Variants in NCOR2 observed in about 807,000 individuals in gnomAD.
NCOR2 encodes the protein CTG repeat protein 26.
Under a neutral mutation model 262.9 loss-of-function variants are expected in NCOR2, and 81 were observed. The ratio of observed to expected loss-of-function variants is 0.31; its 90% CI spans 0.26 to 0.37. The LOEUF is 0.37. Among genes scored for constraint, NCOR2 ranks in the 10% least tolerant of loss-of-function variants. The pLI, the probability that NCOR2 is intolerant of heterozygous loss-of-function variation, is 1.00. For synonymous variants in NCOR2, 1,659 were observed against 1,559.3 expected, an observed-to-expected ratio of 1.06 and a Z score of -1.51; for missense variants, 3,385 against 3,621.4, an observed-to-expected ratio of 0.93 and a Z score of 1.68.
At chr12:124,355,198 G>A (rs1458918526) in intron 24 of NCOR2, 1 of 621,000 alleles carries the variant, frequency 1.6e-6, no homozygotes, top group Non-Finnish European at 2.8e-6. Context: ...ACTTGCCTGA[G>A]GCCACACAGC....
At chr12:124,354,340 G>C in intron 26 of NCOR2, 138 bp downstream of exon 28, 1 of 1,152,174 alleles carries the variant, frequency 8.7e-7, no homozygotes, top group Non-Finnish European at 1.2e-6. Flanking sequence ...CCCCTAAATG[G>C]TGAGGGAGAC....
chr12:124,475,943 G>A (rs761168068), intron 3 of NCOR2, among the ~76,000 whole-genome samples: 11 of 152,220 alleles, frequency 7.2e-5, no homozygotes, highest in Non-Finnish European at 1.5e-4. Flanking sequence ...GAGCATAAGC[G>A]CCAAAGCAGC....
chr12:124,335,353 T>G, intron 39 of NCOR2, 73 bp from the exon 42 acceptor site: 2 of 1,503,204 alleles, frequency 1.3e-6, no homozygotes, highest in Non-Finnish European at 1.8e-6. Flanking sequence ...CCCAGCCCCA[T>G]GCCTTTGAGC....
chr12:124,327,312 G>T, intron 45 of NCOR2, 97 bp downstream of exon 47: 1 of 1,010,628 alleles, frequency 9.9e-7, no homozygotes, highest in Non-Finnish European at 1.4e-6. Context: ...AAGCTCCAAA[G>T]CTCGAGGAGG....
At chr12:124,385,684 G>C (rs957681284) in intron 17 of NCOR2, 61 bp downstream of exon 19, 1 of 1,592,104 alleles carries the variant, frequency 6.3e-7, no homozygotes, top group Non-Finnish European at 8.5e-7. Context: ...CATCTCCTGA[G>C]GCAGTCTGGG....
chr12:124,447,865 T>A (rs1239718851), intron 7 of NCOR2, among the ~76,000 whole-genome samples: 1 of 152,030 alleles, frequency 6.6e-6, no homozygotes, highest in Non-Finnish European at 1.5e-5. Flanking sequence ...CCCAGCTAAT[T>A]TCTTGTCAAT....
At chr12:124,476,836 CAGG>C (rs143106406) in intron 3 of NCOR2, among the ~76,000 whole-genome samples, 3,093 of 150,810 alleles carry the variant, frequency 0.021, 114 homozygotes, top group African/African-American at 0.072. Context: ...GAGGCCGAGG[CAGG>C]AGGATTGCTT....
At chr12:124,362,069 C>T in intron 22 of NCOR2, 57 bp downstream of exon 24, 1 of 1,241,212 alleles carries the variant, frequency 8.1e-7, no homozygotes, top group Non-Finnish European at 1.0e-6. Flanking sequence ...CACAAACATC[C>T]CTTGCCCGTC....
At chr12:124,501,045 AGCGC>A (rs5801554) in intron 1 of NCOR2, among the ~76,000 whole-genome samples, 90,150 of 136,732 alleles carry the variant, frequency 0.66, 28,020 homozygotes, top group South Asian at 0.76. Flanking sequence ...CCACGGCACG[AGCGC>A]GCGCGCACGC....
chr12:124,499,104 G>A (rs553315077), upstream of NCOR2, among the ~76,000 whole-genome samples: 8 of 152,222 alleles, frequency 5.3e-5, no homozygotes, highest in African/African-American at 1.9e-4. Context: ...AATAAGCTTT[G>A]ACTTTTCATC....
intron 17 of NCOR2, among the ~76,000 whole-genome samples, chr12:124,380,532 A>G (rs2040333357): frequency 6.6e-6 from 1 of 152,148 alleles, no homozygotes; most frequent in Non-Finnish European, 1.5e-5. Flanking sequence ...AGCCTCTCCC[A>G]GGAGAGTTCG....
chr12:124,382,182 G>A (rs947360349), intron 17 of NCOR2, among the ~76,000 whole-genome samples: 2 of 152,244 alleles, frequency 1.3e-5, no homozygotes, highest in African/African-American at 2.4e-5. Flanking sequence ...AGGGGCAGGA[G>A]GTGGAGGTCA....
At chr12:124,460,401 C>A (rs939146210) in intron 5 of NCOR2, among the ~76,000 whole-genome samples, 20 of 152,316 alleles carry the variant, frequency 1.3e-4, no homozygotes, top group Admixed American at 5.9e-4. Flanking sequence ...TGGCCCAGGG[C>A]CTCCCTGCCT....
In NCOR2 at chr12:124,400,469, T is replaced by C. The variant is rs774355516; in HGVS notation, c.1813+32A>G. On this transcript the variant is annotated intron_variant, in intron 15 of 46. Coordinates refer to ENST00000405201, the Ensembl canonical transcript of NCOR2. Reference sequence around the variant, plus strand: ...CGCAACCCGCCGTGTCTCCAGCCCCTTCCCCACCCGCATCCCTGGCCCCCA... The same window carrying C: ...CGCAACCCGCCGTGTCTCCAGCCCCCTCCCCACCCGCATCCCTGGCCCCCA... 5.0e-6 allele frequency: 8 copies of C among 1,603,570 alleles called. No individual in the cohort carries two copies. In the East Asian group the frequency reaches 1.8e-4, roughly 36 times the overall value.
chr12:124,517,845 C>T lies in NCOR2; in HGVS notation c.-118+17720G>A, dbSNP rs116007288. 0.047 allele frequency among the ~76,000 whole-genome samples: 7,088 copies of T among 152,288 alleles called. 540 individuals are homozygous for T. Among genetic ancestry groups the T allele is most frequent in the African/African-American group, 0.16 (6,697 of 41,534 alleles). ...GCAGCAACTTCGTCCGATGAGACAGCCCTGCCCACCATCCCGCTGAGCTCA... is the reference window on the plus strand; with the variant it reads ...GCAGCAACTTCGTCCGATGAGACAGTCCTGCCCACCATCCCGCTGAGCTCA... On this transcript the variant is annotated intron_variant, in intron 1 of 46. Coordinates refer to the NCOR2 transcript ENST00000404621. The surrounding 1 kb of genome is among the most constrained non-coding windows in gnomAD (Gnocchi z 7.6).
At chr12:124,335,885 T>G (rs2035839224) in intron 38 of NCOR2, 1 of 499,022 alleles carries the variant, frequency 2.0e-6, no homozygotes, top group African/African-American at 1.9e-5. Context: ...AGAGAGAGAT[T>G]AGGCAAGAAG....
chr12:124,334,850 C>T (rs555274480), intron 40 of NCOR2: 2 of 608,944 alleles, frequency 3.3e-6, no homozygotes, highest in East Asian at 2.8e-5. Flanking sequence ...GAGACCAGCC[C>T]ATGACACTGA....
rs889597661 is a variant in NCOR2 at position 124,454,009 on chromosome 12, C to T, written c.762+3097G>A. The stretch of plus-strand genomic sequence containing the variant: ...AACTGGACTCTGTGACCCACAGCAC[C>T]TCAGGCCGTCCCTGGCCCGGGCTTC... On this transcript the variant is annotated intron_variant, in intron 6 of 46. Coordinates refer to ENST00000405201, the Ensembl canonical transcript of NCOR2. The surrounding 1 kb of genome is among the most constrained non-coding windows in gnomAD (Gnocchi z 5.6). 2.6e-5 allele frequency among the ~76,000 whole-genome samples: 4 copies of T among 152,222 alleles called. No individual in the cohort carries two copies. Among genetic ancestry groups the T allele is most frequent in the Non-Finnish European group, 4.4e-5 (3 of 68,038 alleles).
chr12:124,427,856 G>A (rs1471219943), intron 10 of NCOR2, among the ~76,000 whole-genome samples: 3 of 152,148 alleles, frequency 2.0e-5, no homozygotes, highest in East Asian at 3.9e-4. Context: ...ACCACAGGAA[G>A]CTCCCAGAAG....
Sources: allele counts gnomAD v4.1 joint callset (sites outside exome capture counted in the v4.1 genomes callset), GRCh38; gene constraint gnomAD v4.1.1; non-coding constraint Gnocchi (gnomAD v3.1); transcripts MANE v1.5; gene names NCBI Gene and HGNC (gene_info 2026-07-23, HGNC 2026-07-21).